Variants in CEP126 observed in about 807,000 individuals in gnomAD.
The protein encoded by CEP126 is centrosomal protein of 126 kDa.
CEP126 carries 74 observed loss-of-function variants against 107.8 expected under a neutral mutation model. That is an observed-to-expected ratio of 0.69 (90% CI 0.57 to 0.83). CEP126 has a LOEUF of 0.83. CEP126 is among the 40% of genes least tolerant of loss of function. The probability of loss-of-function intolerance (pLI) is 0.00; values close to 1 mark genes in which losing one functional copy is unlikely to be tolerated. For missense variants in CEP126, 1,237 were observed against 1,281.9 expected (o/e 0.96, Z 0.53); for synonymous variants, 449 against 446.0 (o/e 1.01, Z -0.08).
At chr11:101,982,101 C>T in intron 8 of CEP126, 137 bp downstream of exon 8, 1 of 502,686 alleles carries the variant, frequency 2.0e-6, no homozygotes, top group Non-Finnish European at 3.6e-6. Flanking sequence ...CACCCCTGCA[C>T]ATCCAGGTCA....
chr11:101,971,447 C>T (rs573104620), intron 6 of CEP126, among the ~76,000 whole-genome samples: 1 of 152,092 alleles, frequency 6.6e-6, no homozygotes, highest in Non-Finnish European at 1.5e-5. Context: ...ACTGAACTGG[C>T]AAATCAAAAC....
At chr11:101,930,642 T>A (rs1221102977) in intron 2 of CEP126, among the ~76,000 whole-genome samples, 5 of 152,210 alleles carry the variant, frequency 3.3e-5, no homozygotes, top group East Asian at 1.9e-4. Context: ...CCTGCCCATG[T>A]CCTGCTGATT....
chr11:101,923,735 G>A lies in CEP126; in HGVS notation c.248+975G>A, dbSNP rs181978736. Among the ~76,000 whole-genome samples the A allele has an allele frequency of 1.6e-3, 238 of 152,254 alleles. 1 individual carries two copies. The highest frequency in any genetic ancestry group is 5.2e-3 in the African/African-American group (218 of 41,558). On this transcript the variant is annotated intron_variant, in intron 2 of 10. Coordinates refer to ENST00000263468, the MANE Select transcript of CEP126 (RefSeq NM_020802.4). Reference sequence around the variant, plus strand: ...ATAAACGGCGTGTGACAGGTGTTCAGTAAAGATGAATAATCATATGTTGAA... The same window carrying A: ...ATAAACGGCGTGTGACAGGTGTTCAATAAAGATGAATAATCATATGTTGAA...
At chr11:101,922,507 GGGCACATACTAA>G (rs1167898255) in intron 1 of CEP126, 122 bp from the exon 2 acceptor site, 1 of 708,656 alleles carries the variant, frequency 1.4e-6, no homozygotes, top group African/African-American at 1.8e-5. Flanking sequence ...ATACTAATGT[GGGCACATACTAA>G]TTATTCCACA....
intron 2 of CEP126, among the ~76,000 whole-genome samples, chr11:101,939,289 C>A (rs542177712): frequency 2.3e-4 from 35 of 152,170 alleles, no homozygotes; most frequent in African/African-American, 8.4e-4. Flanking sequence ...ATTTTTGTGT[C>A]TTCCTGATGA....
At chr11:101,972,377 G>A (rs529822784) in intron 6 of CEP126, among the ~76,000 whole-genome samples, 1 of 152,260 alleles carries the variant, frequency 6.6e-6, no homozygotes, top group East Asian at 1.9e-4. Flanking sequence ...AGTGAGCCGA[G>A]ATCGCGCCAC....
intron 6 of CEP126, among the ~76,000 whole-genome samples, chr11:101,977,301 G>A (rs1941202094): frequency 6.6e-6 from 1 of 152,036 alleles, no homozygotes; most frequent in Admixed American, 6.6e-5. Context: ...ATTTTGATCT[G>A]TGATTTTGCA....
chr11:101,954,687 A>G (rs955006604), intron 4 of CEP126, among the ~76,000 whole-genome samples: 2 of 152,144 alleles, frequency 1.3e-5, no homozygotes, highest in East Asian at 3.9e-4. Context: ...GAAAACAACA[A>G]GTGTATACAA....
In CEP126 at chr11:101,993,057, A is replaced by C. The variant is rs563384337; in HGVS notation, c.3309+215A>C. ...AAAATCCTTAAAGGTCAGAATATGAAGTTTTTTTAACGTTTAGGTTCAGGG... is the reference window on the plus strand; with the variant it reads ...AAAATCCTTAAAGGTCAGAATATGACGTTTTTTTAACGTTTAGGTTCAGGG... On this transcript the variant is annotated intron_variant, in intron 10 of 10. Transcript: ENST00000263468. 1.3e-5 allele frequency: 3 copies of C among 228,392 alleles called. No individual in the cohort carries two copies. In the South Asian group the frequency reaches 4.8e-4, roughly 37 times the overall value. 14.1% of individuals were successfully genotyped at this position (228,392 alleles called of 1,614,324 possible). A position where few individuals can be genotyped will look rare whatever the true frequency, so the allele number is the denominator to read the frequency against.
chr11:101,974,327 G>A (rs1399546732), intron 6 of CEP126, among the ~76,000 whole-genome samples: 2 of 152,016 alleles, frequency 1.3e-5, no homozygotes, highest in Non-Finnish European at 2.9e-5. Context: ...TGAGAGGAGA[G>A]GTTCAGTCTA....
intron 1 of CEP126, among the ~76,000 whole-genome samples, chr11:101,917,493 A>G (rs1940241326): frequency 6.6e-6 from 1 of 152,104 alleles, no homozygotes; most frequent in African/African-American, 2.4e-5. Context: ...TTCTGACTCT[A>G]AAGGTTATAA....
Position 101,997,874 on chromosome 11 carries a change from CA to C in CEP126, c.*236del. On this transcript the variant is annotated 3_prime_UTR_variant, in exon 11 of 11. Transcript: ENST00000263468. ...ATGAAAGACATTATGCCTGCCTAAA[CA>C]AAAAGCAGGACATAACCTAGCTCTG... 1 of 517,920 alleles carries C rather than the reference CA, an allele frequency of 1.9e-6. No homozygotes were observed. Among genetic ancestry groups the C allele is most frequent in the Non-Finnish European group, 3.4e-6 (1 of 294,038 alleles). The allele number at this position is 517,920 out of a possible 1,614,324, so 32.1% of individuals were successfully genotyped here. A position where few individuals can be genotyped will look rare whatever the true frequency, so the allele number is the denominator to read the frequency against.
chr11:101,978,259 A>G (rs3740931), intron 6 of CEP126, 88 bp from the exon 7 acceptor site: 405,439 of 797,106 alleles, frequency 0.51, 105,890 homozygotes, highest in East Asian at 0.77. Flanking sequence ...TTTTCTTGAT[A>G]TTTGAAAGTA....
intron 5 of CEP126, 81 bp from the exon 6 acceptor site, chr11:101,961,660 C>T (rs1940970360): frequency 1.4e-6 from 1 of 722,252 alleles, no homozygotes; most frequent in East Asian, 2.7e-5. Context: ...GAATTGGGCT[C>T]AGTAACAATG....
At chr11:101,979,934 T>G (rs1047001401) in intron 7 of CEP126, among the ~76,000 whole-genome samples, 20 of 152,140 alleles carry the variant, frequency 1.3e-4, no homozygotes, top group Non-Finnish European at 1.2e-4. Context: ...TCACTCTGAC[T>G]TTTTTTAATA....
chr11:101,969,104 T>G (rs951519308), intron 6 of CEP126, among the ~76,000 whole-genome samples: 16 of 152,164 alleles, frequency 1.1e-4, no homozygotes, highest in East Asian at 5.8e-4. Context: ...CACTGCAGCA[T>G]CATCCTCCTG....
At chr11:101,922,886 A>T in intron 2 of CEP126, 126 bp downstream of exon 2, 1 of 735,332 alleles carries the variant, frequency 1.4e-6, no homozygotes, top group Non-Finnish European at 2.1e-6. Flanking sequence ...ATTGATCAAG[A>T]TTTGTGTGGC....
chr11:101,943,348 G>T (rs1337863973), intron 2 of CEP126, among the ~76,000 whole-genome samples: 1 of 151,934 alleles, frequency 6.6e-6, no homozygotes, highest in Non-Finnish European at 1.5e-5. Flanking sequence ...GTAGAATAAT[G>T]TTCTAGCCAG....
At chr11:101,920,845 G>A (rs1160549251) in intron 1 of CEP126, among the ~76,000 whole-genome samples, 25 of 152,084 alleles carry the variant, frequency 1.6e-4, no homozygotes, top group Admixed American at 1.6e-3. Context: ...GGCTCAAGCA[G>A]TCTGCCCACC....
Sources: gnomAD v4.1 joint callset for allele counts (sites outside exome capture counted in the v4.1 genomes callset) on GRCh38, gnomAD v4.1.1 for gene constraint, MANE v1.5 for transcripts, NCBI Gene and HGNC (gene_info 2026-07-23, HGNC 2026-07-21) for gene names.